SLC6A2: variants seen among roughly 807,000 people sequenced by gnomAD.
SLC6A2 encodes the protein solute carrier family 6 member 2.
SLC6A2 carries 26 observed loss-of-function variants against 71.7 expected under a neutral mutation model. The ratio of observed to expected loss-of-function variants is 0.36; its 90% CI spans 0.27 to 0.50. The LOEUF (loss-of-function observed/expected upper bound fraction) is 0.50. Ranked by LOEUF, SLC6A2 falls within the 20% of genes least tolerant of loss-of-function variation. The pLI is 0.96. For synonymous variants in SLC6A2, 363 were observed against 337.9 expected (o/e 1.07, Z -0.82); for missense variants, 581 against 803.9 (o/e 0.72, Z 3.35).
chr16:55,695,204 A>G (rs1965757789), intron 7 of SLC6A2, 74 bp from the exon 8 acceptor site: 7 of 1,585,112 alleles, frequency 4.4e-6, no homozygotes, highest in South Asian at 1.1e-5. Context: ...TGCAGGTTCT[A>G]TAGCCAGTCC....
chr16:55,662,884 T>C (rs545359240), intron 2 of SLC6A2, among the ~76,000 whole-genome samples: 31 of 152,280 alleles, frequency 2.0e-4, no homozygotes, highest in Non-Finnish European at 3.8e-4. Flanking sequence ...GACCACATGT[T>C]TGGGGGTTTC....
chr16:55,672,808 C>T (rs1017246821), intron 4 of SLC6A2, among the ~76,000 whole-genome samples: 1 of 152,126 alleles, frequency 6.6e-6, no homozygotes, highest in Non-Finnish European at 1.5e-5. Flanking sequence ...TTATTTGGAC[C>T]ATGTGTGCAC....
chr16:55,679,473 C>T (rs187489190), intron 4 of SLC6A2, among the ~76,000 whole-genome samples: 20 of 152,272 alleles, frequency 1.3e-4, no homozygotes, highest in East Asian at 3.9e-4. Flanking sequence ...GTGATCCACC[C>T]GCCTTGGCCT....
intron 2 of SLC6A2, among the ~76,000 whole-genome samples, chr16:55,663,299 G>T (rs147717779): frequency 1.4e-4 from 22 of 152,262 alleles, no homozygotes; most frequent in African/African-American, 5.1e-4. Context: ...CATGAGAGTG[G>T]ATCCCTTATA....
intron 4 of SLC6A2, among the ~76,000 whole-genome samples, chr16:55,675,964 G>A (rs1965073759): frequency 6.6e-6 from 1 of 151,978 alleles, no homozygotes; most frequent in Non-Finnish European, 1.5e-5. Context: ...GGTTGAAAGA[G>A]ACCTCTGGAA....
At chr16:55,666,088 TG>T (rs1964742918) in intron 2 of SLC6A2, among the ~76,000 whole-genome samples, 1 of 152,232 alleles carries the variant, frequency 6.6e-6, no homozygotes, top group Admixed American at 6.5e-5. Flanking sequence ...GAGCTCCTCA[TG>T]AGGCATGCCC....
rs143385401 is a variant in SLC6A2, at chr16:55,658,893, G to A, written c.274+1925G>A. 4.6e-5 allele frequency among the ~76,000 whole-genome samples: 7 copies of A among 152,302 alleles called. No individual in the cohort carries two copies. In the East Asian group the frequency reaches 1.4e-3, roughly 29 times the overall value. ...AGGTGAAACTTTCCCACCTTTGGCG[G>A]CTGCAGCCTCTCAAGCGTTACTGGG... On this transcript the variant is annotated intron_variant, in intron 2 of 14. Transcript: ENST00000568943.
intron 2 of SLC6A2, among the ~76,000 whole-genome samples, chr16:55,658,521 A>G (rs1170328491): frequency 6.6e-6 from 1 of 150,820 alleles, no homozygotes; most frequent in Non-Finnish European, 1.5e-5. Flanking sequence ...CTCTGTCTCA[A>G]AAAAAAAAGG....
chr16:55,705,233 G>T lies in SLC6A2; in HGVS notation c.*2887G>T. 2 of 1,536,328 alleles carry T rather than the reference G, an allele frequency of 1.3e-6. No individual in the cohort carries two copies. The highest frequency in any genetic ancestry group is 1.7e-6 in the Non-Finnish European group (2 of 1,146,778). On this transcript the variant is annotated 3_prime_UTR_variant, in exon 15 of 15. Coordinates refer to ENST00000568943, the MANE Select transcript of SLC6A2 (RefSeq NM_001172501.3). ...CATTCTAGATGAAAACGAGACAAGG[G>T]AGAAGGAGAGCTACCAACTCTTGCC...
At chr16:55,701,765 A>G in intron 13 of SLC6A2, 98 bp from the exon 14 acceptor site, 2 of 852,008 alleles carry the variant, frequency 2.3e-6, no homozygotes, top group Non-Finnish European at 4.1e-6. Flanking sequence ...GGGCTGCAGG[A>G]TCAAATAGCA....
intron 3 of SLC6A2, among the ~76,000 whole-genome samples, chr16:55,670,420 T>C (rs1297095783): frequency 1.3e-5 from 2 of 152,228 alleles, no homozygotes; most frequent in Admixed American, 1.3e-4. Flanking sequence ...GTTACTTTTT[T>C]TGTTGTTAAT....
At chr16:55,701,688 C>A (rs1965975120) in intron 13 of SLC6A2, among the ~76,000 whole-genome samples, 175 bp from the exon 14 acceptor site, 1 of 152,252 alleles carries the variant, frequency 6.6e-6, no homozygotes, top group African/African-American at 2.4e-5. Context: ...GGATGAGTGA[C>A]TCAATGGACC....
intron 4 of SLC6A2, among the ~76,000 whole-genome samples, chr16:55,672,920 T>C (rs1232540310): frequency 6.6e-6 from 1 of 152,318 alleles, no homozygotes; most frequent in South Asian, 2.1e-4. Context: ...ATAGTGCATA[T>C]ACCCATCACC....
Position 55,703,688 on chromosome 16 carries a change from G to A in SLC6A2, c.*1342G>A. On this transcript the variant is annotated 3_prime_UTR_variant, in exon 15 of 15. Transcript: ENST00000568943. ...GGAGGGGTTTCTGTTTATGGTTAGA[G>A]TCTCTTACACCCTTGTTGGAGGGAT... The A allele has an allele frequency of 1.0e-6, 1 of 985,392 alleles. No individual in the cohort carries two copies. Among genetic ancestry groups the A allele is most frequent in the South Asian group, 4.7e-5 (1 of 21,286 alleles). The allele number at this position is 985,392 out of a possible 1,614,324, so 61.0% of individuals were successfully genotyped here.
At chr16:55,693,636 G>C (rs1240524127) in intron 6 of SLC6A2, among the ~76,000 whole-genome samples, 1 of 152,236 alleles carries the variant, frequency 6.6e-6, no homozygotes, top group African/African-American at 2.4e-5. Context: ...CTCGCTTTCT[G>C]AAAATGCCAT....
chr16:55,693,576 C>G (rs956021688), intron 6 of SLC6A2, among the ~76,000 whole-genome samples: 2 of 152,234 alleles, frequency 1.3e-5, no homozygotes, highest in African/African-American at 4.8e-5. Flanking sequence ...CCATTGGCCC[C>G]CAAGGAGTCA....
intron 9 of SLC6A2, 25 bp from the exon 10 acceptor site, chr16:55,697,872 C>G: frequency 6.2e-7 from 1 of 1,613,422 alleles, no homozygotes; most frequent in Non-Finnish European, 8.5e-7. Context: ...AATTCCTGCA[C>G]CCCACCCCTC....
chr16:55,677,341 T>C (rs1395789534), intron 4 of SLC6A2, among the ~76,000 whole-genome samples: 1 of 152,180 alleles, frequency 6.6e-6, no homozygotes, highest in African/African-American at 2.4e-5. Context: ...CATCCTCCCA[T>C]AAAGGAAAAA....
intron 14 of SLC6A2, 34 bp from the exon 15 acceptor site, chr16:55,702,289 C>G (rs748004628): frequency 6.2e-7 from 1 of 1,611,684 alleles, no homozygotes; most frequent in Admixed American, 1.7e-5. Flanking sequence ...CTGTCCCCAC[C>G]ATGTCATCAA....
Sources: gnomAD v4.1 joint callset for allele counts (sites outside exome capture counted in the v4.1 genomes callset) on GRCh38, gnomAD v4.1.1 for gene constraint, MANE v1.5 for transcripts, NCBI Gene and HGNC (gene_info 2026-07-23, HGNC 2026-07-21) for gene names.